Variants in TSPAN9 observed in about 807,000 individuals in gnomAD.
The protein encoded by TSPAN9 is tetraspanin-9.
In TSPAN9, 16 loss-of-function variants were observed where a neutral mutation model predicts 31.0. The observed-to-expected ratio is 0.52, with a 90% CI of 0.35 to 0.78. The LOEUF (loss-of-function observed/expected upper bound fraction) is 0.78, where lower values mean the gene tolerates loss of function less well. TSPAN9 is among the 30% of genes least tolerant of loss of function. TSPAN9 has a pLI of 0.01. For missense variants in TSPAN9, 272 were observed against 312.5 expected, an observed-to-expected ratio of 0.87 and a Z score of 0.98; for synonymous variants, 145 against 121.6, an observed-to-expected ratio of 1.19 and a Z score of -1.27.
rs534009352 is a variant in TSPAN9, at chr12:3,174,749, A to AT, written c.-17-26422dup. 4.7e-3 allele frequency among the ~76,000 whole-genome samples: 583 copies of AT among 124,158 alleles called. 11 individuals are homozygous for AT. The highest frequency in any genetic ancestry group is 0.014 in the African/African-American group (554 of 40,006). 81.5% of individuals were successfully genotyped at this position (124,158 alleles called of 152,430 possible). On this transcript the variant is annotated intron_variant, in intron 2 of 8. Coordinates refer to ENST00000011898, the MANE Select transcript of TSPAN9 (RefSeq NM_006675.5). Reference sequence around the variant, plus strand: ...AGGCGCCCACCACCGCGCCCGGCTAATTTTTTGTATTTTTAGTAGAGACGG... The same window carrying AT: ...AGGCGCCCACCACCGCGCCCGGCTAATTTTTTTGTATTTTTAGTAGAGACGG...
intron 2 of TSPAN9, among the ~76,000 whole-genome samples, chr12:3,122,203 G>A (rs1423561514): frequency 4.6e-5 from 7 of 151,854 alleles, no homozygotes; most frequent in African/African-American, 1.7e-4. Context: ...GTGTGGTGGT[G>A]GGTGCCTGTA....
At chr12:3,217,772 A>G (rs1252586768) in intron 3 of TSPAN9, among the ~76,000 whole-genome samples, 3 of 150,798 alleles carry the variant, frequency 2.0e-5, no homozygotes, top group Non-Finnish European at 4.4e-5. Context: ...GGCCTTCTCT[A>G]GCCTGGTCTG....
intron 3 of TSPAN9, among the ~76,000 whole-genome samples, chr12:3,256,482 C>G (rs530411741): frequency 4.1e-4 from 62 of 152,296 alleles, no homozygotes; most frequent in African/African-American, 1.4e-3. Flanking sequence ...CCCCAGAAGG[C>G]GAGTGGGTTA....
intron 3 of TSPAN9, among the ~76,000 whole-genome samples, chr12:3,238,458 C>T (rs527913824): frequency 3.3e-5 from 5 of 152,314 alleles, no homozygotes; most frequent in African/African-American, 7.2e-5. Context: ...CGATGCCCTT[C>T]GTGAATGTCA....
chr12:3,173,559 G>A (rs1191477623), intron 2 of TSPAN9: 1 of 152,272 alleles, frequency 6.6e-6, no homozygotes, highest in African/African-American at 2.4e-5. Flanking sequence ...GCGGTTGCAT[G>A]ATCATGGCTC....
chr12:3,088,384 G>A (rs141135670), intron 2 of TSPAN9, among the ~76,000 whole-genome samples: 1 of 149,696 alleles, frequency 6.7e-6, no homozygotes, highest in Non-Finnish European at 1.5e-5. Flanking sequence ...CCCATGGTGT[G>A]AGTCACTCCA....
intron 2 of TSPAN9, among the ~76,000 whole-genome samples, chr12:3,132,028 G>A (rs936345771): frequency 2.0e-5 from 3 of 152,164 alleles, no homozygotes; most frequent in Non-Finnish European, 4.4e-5. Context: ...ACAGTATGTG[G>A]CCTTCTGTGT....
chr12:3,222,495 C>T lies in TSPAN9; in HGVS notation c.63+21239C>T, dbSNP rs565267602. ...GGCTAATGGGCCACCCCTGGCACCC[C>T]ATGGCACTGCATCTGGATGGATTTA... On this transcript the variant is annotated intron_variant, in intron 3 of 8. Coordinates refer to ENST00000011898, the MANE Select transcript of TSPAN9 (RefSeq NM_006675.5). Among the ~76,000 whole-genome samples, 85 of 152,348 alleles carry T rather than the reference C, an allele frequency of 5.6e-4. 1 individual carries two copies. The highest frequency in any genetic ancestry group is 1.9e-3 in the African/African-American group (78 of 41,574).
intron 3 of TSPAN9, among the ~76,000 whole-genome samples, chr12:3,233,885 G>A (rs2098392040): frequency 6.6e-6 from 1 of 152,194 alleles, no homozygotes; most frequent in African/African-American, 2.4e-5. Context: ...GTCTGTCCTA[G>A]CCTGAGTAGC....
chr12:3,246,103 G>A (rs1862119728), intron 3 of TSPAN9, among the ~76,000 whole-genome samples: 1 of 148,012 alleles, frequency 6.8e-6, no homozygotes, highest in Non-Finnish European at 1.5e-5. Context: ...TTCTGCTGAG[G>A]CCTCAGAGAG....
chr12:3,275,674 G>A (rs552243648), intron 3 of TSPAN9, among the ~76,000 whole-genome samples: 3 of 152,220 alleles, frequency 2.0e-5, no homozygotes, highest in Non-Finnish European at 4.4e-5. Flanking sequence ...GAAGCTTTGT[G>A]ATGGCCCAGT....
rs371187697 is a variant in TSPAN9 at position 3,100,142 on chromosome 12, C to A, written c.-18+16423C>A. ...TACAGGCTTGAGCCACCGCGCCCGGCCAAGGTCTGTCCACTCTTGCTGGTG... is the reference window on the plus strand; with the variant it reads ...TACAGGCTTGAGCCACCGCGCCCGGACAAGGTCTGTCCACTCTTGCTGGTG... On this transcript the variant is annotated intron_variant, in intron 2 of 8. Transcript: ENST00000011898. Among the ~76,000 whole-genome samples the A allele has an allele frequency of 1.7e-3, 255 of 152,190 alleles. 2 individuals are homozygous for A. The highest frequency in any genetic ancestry group is 5.5e-3 in the African/African-American group (229 of 41,524).
intron 2 of TSPAN9, among the ~76,000 whole-genome samples, chr12:3,120,244 G>A (rs2098324460): frequency 6.6e-6 from 1 of 152,140 alleles, no homozygotes; most frequent in Non-Finnish European, 1.5e-5. Flanking sequence ...TAGTAAGAAC[G>A]AGTTCGAACA....
rs115314914 is a variant in TSPAN9, at chr12:3,116,708, C to T, written c.-18+32989C>T. On this transcript the variant is annotated intron_variant, in intron 2 of 8. Coordinates refer to ENST00000011898, the MANE Select transcript of TSPAN9 (RefSeq NM_006675.5). ...GCTCAGGTTTTCAGCCCTGCCTTTCCGGAGCCATCCTTTGGCCGTGCCTCT... is the reference window on the plus strand; with the variant it reads ...GCTCAGGTTTTCAGCCCTGCCTTTCTGGAGCCATCCTTTGGCCGTGCCTCT... Among the ~76,000 whole-genome samples the T allele has an allele frequency of 4.4e-3, 675 of 152,292 alleles. 9 individuals carry two copies. The highest frequency in any genetic ancestry group is 0.015 in the African/African-American group (643 of 41,552).
intron 2 of TSPAN9, among the ~76,000 whole-genome samples, chr12:3,199,103 G>T (rs542132195): frequency 6.6e-5 from 10 of 152,340 alleles, no homozygotes; most frequent in Admixed American, 2.0e-4. Flanking sequence ...TTCTTCGAGG[G>T]CCTGGCCCAG....
chr12:3,246,222 A>G (rs1230142596), intron 3 of TSPAN9, among the ~76,000 whole-genome samples: 1 of 151,986 alleles, frequency 6.6e-6, no homozygotes, highest in Non-Finnish European at 1.5e-5. Flanking sequence ...CAAACGACCC[A>G]GTCTTGTGAG....
At position 3,284,646 on chromosome 12, in the gene TSPAN9, C is replaced by G. The variant is rs71577833; in HGVS notation, c.*1530C>G. 1 of 152,364 alleles carries G rather than the reference C, an allele frequency of 6.6e-6. No individual in the cohort carries two copies. The highest frequency in any genetic ancestry group is 1.5e-5 in the Non-Finnish European group (1 of 68,024). The allele number at this position is 152,364 out of a possible 1,614,324, so 9.4% of individuals were successfully genotyped here. A position where few individuals can be genotyped will look rare whatever the true frequency, so the allele number is the denominator to read the frequency against. The stretch of plus-strand genomic sequence containing the variant: ...AGTGGGATTCAGCTGCAGCAGGGCG[C>G]CCCCTCCAAACTGCAGCTGGTCTGG... On this transcript the variant is annotated 3_prime_UTR_variant, in exon 9 of 9. Transcript: ENST00000011898.
intron 2 of TSPAN9, among the ~76,000 whole-genome samples, chr12:3,165,356 G>C (rs2098347730): frequency 6.6e-6 from 1 of 152,176 alleles, no homozygotes; most frequent in Non-Finnish European, 1.5e-5. Context: ...ATGGAGGTTT[G>C]CCAGGAATCA....
At chr12:3,198,143 G>C (rs1484417513) in intron 2 of TSPAN9, among the ~76,000 whole-genome samples, 3 of 64,144 alleles carry the variant, frequency 4.7e-5, no homozygotes, top group East Asian at 4.3e-4. Flanking sequence ...ACCAGCACAG[G>C]TCACCACCAG....
Sources: gnomAD v4.1 joint callset for allele counts (sites outside exome capture counted in the v4.1 genomes callset) on GRCh38, gnomAD v4.1.1 for gene constraint, MANE v1.5 for transcripts, NCBI Gene and HGNC (gene_info 2026-07-23, HGNC 2026-07-21) for gene names.